C8B: variants seen among roughly 807,000 people sequenced by gnomAD.
C8B encodes complement C8 beta chain.
In C8B, 67 loss-of-function variants were observed where a neutral mutation model predicts 64.6. The ratio of observed to expected loss-of-function variants is 1.04; its 90% confidence interval spans 0.85 to 1.27. The LOEUF (loss-of-function observed/expected upper bound fraction) is 1.27, where lower values mean the gene tolerates loss of function less well. Ranked by LOEUF, C8B falls within the 50% of genes most tolerant of loss-of-function variation. C8B has a pLI of 0.00. For missense variants in C8B, 790 were observed against 725.2 expected (o/e 1.09, Z -1.03); for synonymous variants, 284 against 257.7 (o/e 1.10, Z -0.98).
intron 8 of C8B, among the ~76,000 whole-genome samples, chr1:56,942,707 A>C (rs1233659563): frequency 2.0e-5 from 3 of 152,066 alleles, no homozygotes; most frequent in Admixed American, 1.3e-4. Context: ...CCATCTCAAA[A>C]AAAAGAGAAC....
intron 10 of C8B, among the ~76,000 whole-genome samples, chr1:56,933,086 TTC>T (rs1644725651): frequency 6.6e-6 from 1 of 152,182 alleles, no homozygotes; most frequent in Non-Finnish European, 1.5e-5. Flanking sequence ...TGGGTAGAGA[TTC>T]TCTGAGTTTA....
chr1:56,960,310 A>G, intron 1 of C8B, 134 bp from the exon 2 acceptor site: 10 of 767,978 alleles, frequency 1.3e-5, no homozygotes, highest in Non-Finnish European at 2.2e-5. Flanking sequence ...TTCCAGGATA[A>G]CCTATCCTGG....
chr1:56,932,737 T>G (rs769968086), intron 10 of C8B, among the ~76,000 whole-genome samples: 5 of 152,166 alleles, frequency 3.3e-5, no homozygotes, highest in Non-Finnish European at 7.3e-5. Context: ...TTCTTCTATA[T>G]CCCTTCCGTT....
chr1:56,945,966 T>C lies in C8B; in HGVS notation c.960A>G (p.Arg320=), dbSNP rs1447377849. ...SLMLHYEFLQ[R]VKRLPLEYSY... is the part of the protein sequence containing the mutation. Reference sequence around the variant, plus strand: ...TGTACTCCAGGGGCAGCCGCTTAACTCTCTGAAGGAACTCGTAATGGAGCA... The same window carrying C: ...TGTACTCCAGGGGCAGCCGCTTAACCCTCTGAAGGAACTCGTAATGGAGCA... Residue 320 remains arginine, a synonymous_variant, in exon 7 of 12, where the codon AGA becomes AGG. Coordinates refer to ENST00000371237, the MANE Select transcript of C8B (RefSeq NM_000066.4). 1.9e-6 allele frequency: 3 copies of C among 1,614,140 alleles called. No homozygotes were observed. The highest frequency in any genetic ancestry group is 2.5e-6 in the Non-Finnish European group (3 of 1,180,026).
At position 56,943,735 on chromosome 1, in the gene C8B, A is replaced by G; in HGVS notation, c.1195T>C (p.Ser399Pro). ...IEEVYVSLGV[S>P]VGKCRGILNE... ...AGAATACCTCTGCATTTGCCTACAG[A>G]CACACCCAGACTGACGTAGACCTCT... The change falls in exon 8 of 12, where the codon TCT (serine) becomes CCT (proline). Residue 399 changes from serine (S) to proline (P), a missense_variant. Coordinates refer to ENST00000371237, the MANE Select transcript of C8B (RefSeq NM_000066.4). 1 of 1,614,150 alleles carries G rather than the reference A, an allele frequency of 6.2e-7. No individual in the cohort carries two copies. Among genetic ancestry groups the G allele is most frequent in the South Asian group, 1.1e-5 (1 of 91,076 alleles).
At chr1:56,940,707 T>G in intron 9 of C8B, 142 bp downstream of exon 9, 1 of 855,044 alleles carries the variant, frequency 1.2e-6, no homozygotes, top group Middle Eastern at 2.8e-4. Flanking sequence ...TTATTTCAAA[T>G]ATATTTTCTA....
intron 9 of C8B, among the ~76,000 whole-genome samples, chr1:56,940,354 G>A (rs1467989480): frequency 6.6e-6 from 1 of 151,512 alleles, no homozygotes; most frequent in African/African-American, 2.4e-5. Context: ...GATCACTTGA[G>A]GTCAGTTCAA....
At chr1:56,943,862 GT>G (rs1557733548) in intron 7 of C8B, 38 bp from the exon 8 acceptor site, 1 of 1,611,602 alleles carries the variant, frequency 6.2e-7, no homozygotes, top group Non-Finnish European at 8.5e-7. Flanking sequence ...GACGTAAAAG[GT>G]AGTTCACTCT....
At chr1:56,965,706 G>A in intron 1 of C8B, 151 bp downstream of exon 1, 2 of 792,824 alleles carry the variant, frequency 2.5e-6, no homozygotes, top group South Asian at 2.9e-5. Context: ...TTTGAAAAGA[G>A]TTGTTGATAG....
chr1:56,943,974 A>G, intron 7 of C8B, 150 bp from the exon 8 acceptor site: 4 of 865,418 alleles, frequency 4.6e-6, no homozygotes, highest in Non-Finnish European at 3.6e-6. Context: ...CAAGAAATGT[A>G]GGCAGCAAAT....
Position 56,960,237 on chromosome 1 carries a change from C to A in C8B, c.93-61G>T. 2.7e-6 allele frequency: 4 copies of A among 1,465,678 alleles called. No homozygotes were observed. The Admixed American group carries it at 6.7e-5, about 25-fold the overall frequency. The allele number at this position is 1,465,678 out of a possible 1,614,324, so 90.8% of individuals were successfully genotyped here. Reference sequence around the variant, plus strand: ...AGAAGGGAATTAAGTATACATCCAACCATCTATTTGTACATTCAATAAATA... The same window carrying A: ...AGAAGGGAATTAAGTATACATCCAAACATCTATTTGTACATTCAATAAATA... On this transcript the variant is annotated intron_variant, in intron 1 of 11. Coordinates refer to ENST00000371237, the MANE Select transcript of C8B (RefSeq NM_000066.4).
intron 8 of C8B, among the ~76,000 whole-genome samples, chr1:56,942,261 CTAAG>C (rs10536989): frequency 0.85 from 128,613 of 151,798 alleles, 54,770 homozygotes; most frequent in South Asian, 0.97. Flanking sequence ...AAAGGCTGTG[CTAAG>C]TAAGCATGCA....
At chr1:56,929,694 C>A in intron 11 of C8B, 136 bp from the exon 12 acceptor site, 1 of 813,766 alleles carries the variant, frequency 1.2e-6, no homozygotes, top group Non-Finnish European at 2.1e-6. Context: ...TTTTCCTGGC[C>A]ATTGTACTTG....
At chr1:56,954,913 C>T (rs1473368685) in intron 3 of C8B, 86 bp from the exon 4 acceptor site, 1 of 1,532,216 alleles carries the variant, frequency 6.5e-7, no homozygotes, top group African/African-American at 1.4e-5. Context: ...AAGTGCCAGA[C>T]CTTTTGTCAG....
In C8B at chr1:56,954,741, T is replaced by A. The variant is rs773716735; in HGVS notation, c.478A>T (p.Lys160Ter). Residue 160 changes from lysine to a stop codon, truncating the protein, a stop_gained, in exon 4 of 12, where the codon AAA becomes TAA. Transcript: ENST00000371237. LOFTEE classifies it high-confidence loss of function. ...TGGTCCATTTCATGCTGACATTTTT[T>A]ATAAATCCTTCTACAGTTTGCTTCA... The part of the protein sequence containing the change: ...SDEANCRRIY[K>*]KCQHEMDQYW... 3 of 1,614,082 alleles carry A rather than the reference T, an allele frequency of 1.9e-6. No homozygotes were observed. Among genetic ancestry groups the A allele is most frequent in the African/African-American group, 2.7e-5 (2 of 74,934 alleles).
At chr1:56,939,838 G>A (rs1261017955) in intron 9 of C8B, among the ~76,000 whole-genome samples, 1 of 152,184 alleles carries the variant, frequency 6.6e-6, no homozygotes, top group Non-Finnish European at 1.5e-5. Context: ...TCTAGCCCTT[G>A]ATTTCTGTCA....
chr1:56,954,884 C>A, intron 3 of C8B, 57 bp from the exon 4 acceptor site: 3 of 1,608,656 alleles, frequency 1.9e-6, no homozygotes, highest in Non-Finnish European at 2.6e-6. Flanking sequence ...AAGGAACTAA[C>A]ATAGTATAAG....
At position 56,951,505 on chromosome 1, in the gene C8B, A is replaced by T. The variant is rs191623345; in HGVS notation, c.666+543T>A. On this transcript the variant is annotated intron_variant, in intron 5 of 11. Coordinates refer to ENST00000371237, the MANE Select transcript of C8B (RefSeq NM_000066.4). ...TACATCAATCATAATAGGGGCTTAC[A>T]TTGGTAGAGCATTTCATAAAATGCT... Among the ~76,000 whole-genome samples the T allele has an allele frequency of 1.7e-4, 26 of 152,286 alleles. No individual in the cohort carries two copies. The East Asian group carries it at 4.6e-3, about 27-fold the overall frequency.
chr1:56,949,774 G>GT, intron 5 of C8B, 22 bp from the exon 6 acceptor site: 2 of 1,554,838 alleles, frequency 1.3e-6, no homozygotes, highest in South Asian at 2.3e-5. Context: ...AAAAGAAAGG[G>GT]TTTTTTATTT....
Sources: gnomAD v4.1 joint callset for allele counts (sites outside exome capture counted in the v4.1 genomes callset) on GRCh38, gnomAD v4.1.1 for gene constraint, MANE v1.5 for transcripts, NCBI Gene and HGNC (gene_info 2026-07-23, HGNC 2026-07-21) for gene names.